ZNF423: variants seen among roughly 807,000 people sequenced by gnomAD.
ZNF423 encodes the protein zinc finger protein 423, also known as Ebf-associated zinc finger protein.
Under a neutral mutation model 95.8 loss-of-function variants are expected in ZNF423, and 12 were observed. The ratio of observed to expected loss-of-function variants is 0.13; its 90% confidence interval spans 0.08 to 0.20. ZNF423 has a LOEUF of 0.20. Among genes scored for constraint, ZNF423 ranks in the 10% least tolerant of loss-of-function variants. ZNF423 has a pLI of 1.00. For missense variants in ZNF423, 1,316 were observed against 1,737.1 expected (o/e 0.76, Z 4.31); for synonymous variants, 749 against 711.9 (o/e 1.05, Z -0.83).
intron 7 of ZNF423, among the ~76,000 whole-genome samples, chr16:49,522,285 C>G (rs1477235035): frequency 6.6e-6 from 1 of 152,194 alleles, no homozygotes; most frequent in African/African-American, 2.4e-5. Flanking sequence ...GCGGGACTTA[C>G]TCTAGTCAAC....
Position 49,636,599 on chromosome 16 carries a change from C to T in ZNF423, c.2577G>A (p.Lys859=). 1.9e-6 allele frequency: 3 copies of T among 1,613,878 alleles called. No homozygotes were observed. The highest frequency in any genetic ancestry group is 2.5e-6 in the Non-Finnish European group (3 of 1,179,946). Residue 859 remains lysine, a synonymous_variant, in exon 4 of 8, where the codon AAG becomes AAA. Coordinates refer to ENST00000563137, the MANE Select transcript of ZNF423 (RefSeq NM_001379286.1). This position sits in a 1 kb window ranked among gnomAD's most constrained non-coding sequence, Gnocchi z 8.6. ...CCTGCAGGTCAGCAGGCTCAGCTTT[C>T]TTGGTGGCCATTGGGGGTACCCCAT... ...TANGVPPMAT[K]KAEPADLQGM...
Position 49,624,386 on chromosome 16 carries a change from A to G in ZNF423, c.3601+1784T>C, listed in dbSNP as rs148301289. 5.3e-3 allele frequency among the ~76,000 whole-genome samples: 802 copies of G among 152,228 alleles called. 9 individuals are homozygous for G. The highest frequency in any genetic ancestry group is 0.019 in the African/African-American group (772 of 41,538). On this transcript the variant is annotated intron_variant, in intron 5 of 7. Transcript: ENST00000563137. ...GCCAACATAGTGAAACCCTGTCTCT[A>G]CTAAAAGTACAAAAAAATTAGCCAG...
At chr16:49,553,788 A>G (rs773331717) in intron 5 of ZNF423, among the ~76,000 whole-genome samples, 1 of 152,212 alleles carries the variant, frequency 6.6e-6, no homozygotes, top group Non-Finnish European at 1.5e-5. Context: ...TTATGAAATA[A>G]CGTCTTTCCC....
At chr16:49,710,017 A>C (rs1196934293) in intron 3 of ZNF423, among the ~76,000 whole-genome samples, 3 of 152,188 alleles carry the variant, frequency 2.0e-5, no homozygotes, top group Non-Finnish European at 4.4e-5. Flanking sequence ...ATGTCTTGCC[A>C]AGCAAGGAAC....
At chr16:49,828,345 G>C (rs1337446987) in intron 1 of ZNF423, among the ~76,000 whole-genome samples, 1 of 152,202 alleles carries the variant, frequency 6.6e-6, no homozygotes, top group African/African-American at 2.4e-5. Context: ...TTAGGCAACA[G>C]TCTGGCAAAT....
At chr16:49,707,157 G>A (rs962827370) in intron 3 of ZNF423, among the ~76,000 whole-genome samples, 24 of 145,538 alleles carry the variant, frequency 1.6e-4, no homozygotes, top group African/African-American at 5.7e-4. Context: ...ACCTACCCCC[G>A]GGGTCCCTGC....
intron 5 of ZNF423, among the ~76,000 whole-genome samples, chr16:49,534,248 GT>G (rs11322462): frequency 0.91 from 129,244 of 142,802 alleles, 58,393 homozygotes; most frequent in East Asian, 0.97. Flanking sequence ...CTTTTTTTTT[GT>G]TTTTTTTTTT....
intron 7 of ZNF423, among the ~76,000 whole-genome samples, chr16:49,493,533 C>T (rs866932117): frequency 2.6e-5 from 4 of 152,276 alleles, no homozygotes; most frequent in Middle Eastern, 3.4e-3. Flanking sequence ...TGCCAACCGC[C>T]AGTCAAAAAC....
intron 5 of ZNF423, among the ~76,000 whole-genome samples, chr16:49,570,926 T>A (rs1281553793): frequency 6.6e-6 from 1 of 152,196 alleles, no homozygotes; most frequent in African/African-American, 2.4e-5. Flanking sequence ...CCTGCCCGTG[T>A]GCTGGGGTAG....
intron 3 of ZNF423, among the ~76,000 whole-genome samples, chr16:49,660,809 G>A (rs2030175652): frequency 6.6e-6 from 1 of 151,312 alleles, no homozygotes; most frequent in Admixed American, 6.6e-5. Flanking sequence ...TAAAACAAAG[G>A]AGACACAGAG....
intron 3 of ZNF423, among the ~76,000 whole-genome samples, chr16:49,697,329 C>G (rs1567296733): frequency 6.6e-6 from 1 of 152,094 alleles, no homozygotes; most frequent in East Asian, 1.9e-4. Flanking sequence ...GAATCCTGTG[C>G]AAGGGAACAA....
chr16:49,681,208 A>G (rs118164156), intron 3 of ZNF423, among the ~76,000 whole-genome samples: 2 of 152,334 alleles, frequency 1.3e-5, no homozygotes, highest in East Asian at 3.9e-4. Flanking sequence ...TGAAGGGTGG[A>G]TTTGGGGAAA....
intron 5 of ZNF423, 126 bp downstream of exon 5, chr16:49,626,044 A>T (rs1972252349): frequency 2.3e-6 from 2 of 885,008 alleles, no homozygotes; most frequent in Non-Finnish European, 1.8e-6. Context: ...CCCATGTGCA[A>T]TGTCTCAGAA....
At chr16:49,606,268 C>T (rs995216308) in intron 5 of ZNF423, among the ~76,000 whole-genome samples, 6 of 120,988 alleles carry the variant, frequency 5.0e-5, no homozygotes, top group African/African-American at 2.1e-4. Flanking sequence ...TGCCCACCGA[C>T]AGCAGAAGGG....
intron 3 of ZNF423, among the ~76,000 whole-genome samples, chr16:49,697,042 G>C (rs1023699709): frequency 3.9e-5 from 6 of 152,334 alleles, no homozygotes; most frequent in Admixed American, 2.0e-4. Flanking sequence ...AGTCCATCGT[G>C]GGGGAGGAGG....
At chr16:49,627,608 C>A (rs569949251) in intron 4 of ZNF423, among the ~76,000 whole-genome samples, 1 of 149,768 alleles carries the variant, frequency 6.7e-6, no homozygotes, top group Non-Finnish European at 1.5e-5. Flanking sequence ...TACTCACTCA[C>A]CCATCCACCC....
intron 7 of ZNF423, among the ~76,000 whole-genome samples, chr16:49,499,869 G>T (rs921464896): frequency 6.6e-6 from 1 of 152,176 alleles, no homozygotes; most frequent in African/African-American, 2.4e-5. Flanking sequence ...GGGAACCGAA[G>T]CCTTCTATTA....
intron 5 of ZNF423, among the ~76,000 whole-genome samples, chr16:49,606,550 G>A (rs762066328): frequency 1.3e-5 from 2 of 152,218 alleles, no homozygotes; most frequent in Non-Finnish European, 2.9e-5. Flanking sequence ...CCCCTCAAGT[G>A]CTGGGGATGC....
chr16:49,539,305 C>T (rs910228560), intron 5 of ZNF423, among the ~76,000 whole-genome samples: 9 of 152,168 alleles, frequency 5.9e-5, no homozygotes, highest in African/African-American at 1.2e-4. Flanking sequence ...GTGGGGGTGA[C>T]GCGGTGGGGC....
Sources: allele counts gnomAD v4.1 joint callset (sites outside exome capture counted in the v4.1 genomes callset), GRCh38; gene constraint gnomAD v4.1.1; non-coding constraint Gnocchi (gnomAD v3.1); transcripts MANE v1.5; gene names NCBI Gene and HGNC (gene_info 2026-07-23, HGNC 2026-07-21).